The following FGF7 variants were observed in gnomAD, a reference collection of about 807,000 sequenced individuals.
The protein encoded by FGF7 is FGF-7.
FGF7 carries 6 observed loss-of-function variants against 20.5 expected under a neutral mutation model. That is an observed-to-expected ratio of 0.29 (90% confidence interval 0.16 to 0.58). FGF7 has a LOEUF of 0.58. FGF7 is among the 20% of genes least tolerant of loss of function. The pLI, the probability that FGF7 is intolerant of heterozygous loss-of-function variation, is 0.90. For missense variants in FGF7, 144 were observed against 228.8 expected, an observed-to-expected ratio of 0.63 and a Z score of 2.39; for synonymous variants, 64 against 74.7, an observed-to-expected ratio of 0.86 and a Z score of 0.74.
chr15:49,476,965 C>T (rs1438486247), intron 2 of FGF7, among the ~76,000 whole-genome samples: 1 of 151,086 alleles, frequency 6.6e-6, no homozygotes, highest in Admixed American at 6.6e-5. Context: ...GAGGCTGAGG[C>T]AGGGAAATGG....
At chr15:49,435,460 C>T (rs1325790567) in intron 2 of FGF7, among the ~76,000 whole-genome samples, 1 of 151,580 alleles carries the variant, frequency 6.6e-6, no homozygotes, top group Non-Finnish European at 1.5e-5. Context: ...GTTTTATGCC[C>T]TCTAATTCAT....
intron 2 of FGF7, among the ~76,000 whole-genome samples, chr15:49,474,815 C>CG (rs2055099046): frequency 6.6e-6 from 1 of 152,082 alleles, no homozygotes; most frequent in Admixed American, 6.5e-5. Context: ...ATCTAGGTTG[C>CG]GTGCTCCGTA....
chr15:49,474,635 C>T lies in FGF7; in HGVS notation c.287-8516C>T, dbSNP rs556248526. On this transcript the variant is annotated intron_variant, in intron 2 of 3. Transcript: ENST00000267843. ...ATAAAATATCAGTTTTCGGCAGGAGCCCCCAACCCCTGGGCTGGGGACCGG... is the reference window on the plus strand; with the variant it reads ...ATAAAATATCAGTTTTCGGCAGGAGTCCCCAACCCCTGGGCTGGGGACCGG... Among the ~76,000 whole-genome samples the T allele has an allele frequency of 9.9e-5, 15 of 152,118 alleles. No homozygotes were observed. In the South Asian group the frequency reaches 2.5e-3, roughly 25 times the overall value.
chr15:49,434,268 A>C (rs2050883434), intron 2 of FGF7: 1 of 151,608 alleles, frequency 6.6e-6, no homozygotes, highest in African/African-American at 2.4e-5. Context: ...AGATATGCAA[A>C]ATTTTAAAGG....
At chr15:49,446,590 A>T (rs2052237235) in intron 2 of FGF7, among the ~76,000 whole-genome samples, 1 of 151,350 alleles carries the variant, frequency 6.6e-6, no homozygotes, top group Non-Finnish European at 1.5e-5. Context: ...CATAGAGGGT[A>T]AAGAGCTTTT....
chr15:49,467,082 G>A (rs1455018985), intron 2 of FGF7, among the ~76,000 whole-genome samples: 2 of 152,052 alleles, frequency 1.3e-5, no homozygotes, highest in African/African-American at 2.4e-5. Flanking sequence ...AGTTAAAGAG[G>A]GAGGGAAGAA....
At chr15:49,434,175 T>A (rs1448675879) in intron 2 of FGF7, among the ~76,000 whole-genome samples, 1 of 151,680 alleles carries the variant, frequency 6.6e-6, no homozygotes, top group Non-Finnish European at 1.5e-5. Flanking sequence ...GCCTAGTTTA[T>A]CTGGTTCATA....
At chr15:49,460,455 G>C (rs578010311) in intron 2 of FGF7, among the ~76,000 whole-genome samples, 1 of 152,264 alleles carries the variant, frequency 6.6e-6, no homozygotes, top group South Asian at 2.1e-4. Flanking sequence ...GAATGCATGT[G>C]CTCAAATTAG....
At chr15:49,459,510 CATTGT>C (rs778723051) in intron 2 of FGF7, among the ~76,000 whole-genome samples, 10 of 152,018 alleles carry the variant, frequency 6.6e-5, no homozygotes, top group Non-Finnish European at 1.5e-4. Flanking sequence ...TGCATTTCAG[CATTGT>C]GTTAAGTGCT....
At chr15:49,432,237 A>G (rs2050682940) in intron 2 of FGF7, among the ~76,000 whole-genome samples, 1 of 151,598 alleles carries the variant, frequency 6.6e-6, no homozygotes, top group Admixed American at 6.6e-5. Flanking sequence ...TTCAGAATGA[A>G]CTCAGCTTGC....
intron 2 of FGF7, among the ~76,000 whole-genome samples, chr15:49,463,566 AT>A (rs201942155): frequency 7.9e-5 from 12 of 151,400 alleles, no homozygotes; most frequent in Admixed American, 2.0e-4. Context: ...AAAAAAAAAA[AT>A]ATCCAAACTC....
chr15:49,427,218 A>T (rs2050205539), intron 2 of FGF7, among the ~76,000 whole-genome samples: 1 of 152,068 alleles, frequency 6.6e-6, no homozygotes, highest in Admixed American at 6.6e-5. Flanking sequence ...GGTTCAAAAA[A>T]TGCTCAGAAT....
intron 3 of FGF7, 100 bp downstream of exon 3, chr15:49,483,354 C>A: frequency 9.3e-6 from 6 of 642,228 alleles, no homozygotes; most frequent in South Asian, 1.9e-5. Flanking sequence ...TTATCTCCAA[C>A]TGTATAATTT....
intron 2 of FGF7, among the ~76,000 whole-genome samples, chr15:49,444,656 C>G (rs1012370552): frequency 6.6e-6 from 1 of 151,642 alleles, no homozygotes; most frequent in African/African-American, 2.4e-5. Context: ...ACCTTCTTAG[C>G]CTAATATTCT....
intron 2 of FGF7, among the ~76,000 whole-genome samples, chr15:49,457,227 C>G (rs1047990044): frequency 6.6e-6 from 1 of 151,826 alleles, no homozygotes; most frequent in Admixed American, 6.6e-5. Context: ...AGAAAGTAGG[C>G]AAAGAGAGAA....
chr15:49,465,211 C>T (rs899649037), intron 2 of FGF7, among the ~76,000 whole-genome samples: 1 of 152,070 alleles, frequency 6.6e-6, no homozygotes, highest in African/African-American at 2.4e-5. Flanking sequence ...CTCACTGCAA[C>T]CTCTGCCTCC....
At chr15:49,478,201 A>G (rs1437330785) in intron 2 of FGF7, among the ~76,000 whole-genome samples, 1 of 152,234 alleles carries the variant, frequency 6.6e-6, no homozygotes, top group African/African-American at 2.4e-5. Context: ...TAATTTGCTT[A>G]GGATAATGGC....
At position 49,471,714 on chromosome 15, in the gene FGF7, A is replaced by G. The variant is rs925224572; in HGVS notation, c.287-11437A>G. Among the ~76,000 whole-genome samples, 3 of 152,062 alleles carry G rather than the reference A, an allele frequency of 2.0e-5. 1 individual carries two copies. Among genetic ancestry groups the G allele is most frequent in the Non-Finnish European group, 4.4e-5 (3 of 68,012 alleles). On this transcript the variant is annotated intron_variant, in intron 2 of 3. Transcript: ENST00000267843. ...GCATCTCATGCTTTATGTAACAATA[A>G]TGAGCATCCAGAAAAGCTAGCTGAC...
intron 2 of FGF7, among the ~76,000 whole-genome samples, chr15:49,436,994 G>A (rs79883822): frequency 0.023 from 3,512 of 151,622 alleles, 88 homozygotes; most frequent in South Asian, 0.13. Flanking sequence ...CCCCTGAGAA[G>A]GCGTAGCAAC....
Sources: gnomAD v4.1 joint callset for allele counts (sites outside exome capture counted in the v4.1 genomes callset) on GRCh38, gnomAD v4.1.1 for gene constraint, MANE v1.5 for transcripts, NCBI Gene and HGNC (gene_info 2026-07-23, HGNC 2026-07-21) for gene names.